IQGAP1: variants seen among roughly 807,000 people sequenced by gnomAD.
IQGAP1 encodes the protein ras GTPase-activating-like protein IQGAP1.
IQGAP1 carries 66 observed loss-of-function variants against 215.6 expected under a neutral mutation model. That is an observed-to-expected ratio of 0.31 (90% CI 0.25 to 0.38). The LOEUF (loss-of-function observed/expected upper bound fraction) is 0.38, where lower values mean the gene tolerates loss of function less well. Among genes scored for constraint, IQGAP1 ranks in the 10% least tolerant of loss-of-function variants. IQGAP1 has a pLI of 1.00. For missense variants in IQGAP1, 1,712 were observed against 1,997.1 expected, an observed-to-expected ratio of 0.86 and a Z score of 2.72; for synonymous variants, 772 against 728.7, an observed-to-expected ratio of 1.06 and a Z score of -0.96.
At chr15:90,465,818 C>T (rs1965823316) in intron 15 of IQGAP1, among the ~76,000 whole-genome samples, 183 bp from the exon 16 acceptor site, 1 of 152,204 alleles carries the variant, frequency 6.6e-6, no homozygotes, top group South Asian at 2.1e-4. Context: ...GTGTGAGTCA[C>T]TGCATCCAAC....
At position 90,500,334 on chromosome 15, in the gene IQGAP1, C is replaced by G. The variant is rs1966325927; in HGVS notation, c.*226C>G. 1 of 436,486 alleles carries G rather than the reference C, an allele frequency of 2.3e-6. No individual in the cohort carries two copies. The highest frequency in any genetic ancestry group is 3.3e-5 in the South Asian group (1 of 30,448). 27.0% of individuals were successfully genotyped at this position (436,486 alleles called of 1,614,324 possible). A position where few individuals can be genotyped will look rare whatever the true frequency, so the allele number is the denominator to read the frequency against. On this transcript the variant is annotated 3_prime_UTR_variant, in exon 38 of 38. Coordinates refer to ENST00000268182, the MANE Select transcript of IQGAP1 (RefSeq NM_003870.4). ...AGGCTTAGTCTGACCTTTCTGGTTT[C>G]TTCATTTTCTTCCATTACTTAGGAA...
chr15:90,469,712 AT>A (rs1483732529), intron 18 of IQGAP1, among the ~76,000 whole-genome samples: 1 of 152,232 alleles, frequency 6.6e-6, no homozygotes, highest in Non-Finnish European at 1.5e-5. Context: ...CTGGAGTAAC[AT>A]AGCGTAGATA....
At position 90,490,869 on chromosome 15, in the gene IQGAP1, C is replaced by T. The variant is rs552122230; in HGVS notation, c.4249-464C>T. Among the ~76,000 whole-genome samples, 11 of 152,152 alleles carry T rather than the reference C, an allele frequency of 7.2e-5. No individual in the cohort carries two copies. The East Asian group carries it at 1.7e-3, about 24-fold the overall frequency. The stretch of plus-strand genomic sequence containing the variant: ...TGTCGCCCAGACTGGAGTGCAGTGG[C>T]GCGATCTTGGCTCACTGCAAGCTCC... On this transcript the variant is annotated intron_variant, in intron 33 of 37. Transcript: ENST00000268182.
chr15:90,491,983 T>G (rs1274995927), intron 34 of IQGAP1, among the ~76,000 whole-genome samples: 2 of 152,222 alleles, frequency 1.3e-5, no homozygotes, highest in Non-Finnish European at 2.9e-5. Flanking sequence ...AGTTGATGTA[T>G]TATAGTTCTC....
intron 7 of IQGAP1, among the ~76,000 whole-genome samples, 166 bp downstream of exon 7, chr15:90,440,781 C>G (rs1185172574): frequency 6.6e-6 from 1 of 152,152 alleles, no homozygotes; most frequent in African/African-American, 2.4e-5. Flanking sequence ...TTTGGAAATA[C>G]ATGATTAATT....
At position 90,441,592 on chromosome 15, in the gene IQGAP1, A is replaced by G. The variant is rs753859958; in HGVS notation, c.736A>G (p.Met246Val). ...TFAALKNPNA[M>V]LVNLEEPLAS... ...TGCAGCTTTGAAAAATCCGAATGCC[A>G]TGCTTGTAAATCTTGAAGAGCCCTT... The change falls in exon 8 of 38, where the codon ATG becomes GTG. Residue 246 changes from methionine (M) to valine (V), a missense_variant. Transcript: ENST00000268182. 5 of 1,613,872 alleles carry G rather than the reference A, an allele frequency of 3.1e-6. No individual in the cohort carries two copies. The highest frequency in any genetic ancestry group is 3.3e-5 in the Admixed American group (2 of 59,980).
chr15:90,453,217 A>T lies in IQGAP1; in HGVS notation c.1412A>T (p.Asp471Val), dbSNP rs1965630787. ...ATCAACAGGGCATTGGAATCAGGAGATGTGAATACAGTGTGGAAGCAATTG... is the reference window on the plus strand; with the variant it reads ...ATCAACAGGGCATTGGAATCAGGAGTTGTGAATACAGTGTGGAAGCAATTG... ...ALINRALESG[D>V]VNTVWKQLSS... The change falls in exon 13 of 38, where the codon GAT becomes GTT. Residue 471 changes from aspartate (D) to valine (V), a missense_variant. Asp to Val is a radical substitution (Grantham distance 152, BLOSUM62 -3). Transcript: ENST00000268182. 6.2e-7 allele frequency: 1 copy of T among 1,613,892 alleles called. No homozygotes were observed. Among genetic ancestry groups the T allele is most frequent in the African/African-American group, 1.3e-5 (1 of 74,890 alleles).
At chr15:90,405,798 A>G (rs1317098892) in intron 2 of IQGAP1, among the ~76,000 whole-genome samples, 1 of 142,426 alleles carries the variant, frequency 7.0e-6, no homozygotes, top group East Asian at 2.1e-4. Context: ...TACGGATTTG[A>G]GGGACTATTT....
At chr15:90,467,426 T>C (rs1367702553) in intron 17 of IQGAP1, 24 bp from the exon 18 acceptor site, 4 of 1,602,454 alleles carry the variant, frequency 2.5e-6, no homozygotes, top group African/African-American at 1.4e-5. Flanking sequence ...GGATGTCTTC[T>C]ATCTTTCCTT....
At chr15:90,395,527 A>G (rs540106704) in intron 2 of IQGAP1, among the ~76,000 whole-genome samples, 3 of 152,196 alleles carry the variant, frequency 2.0e-5, no homozygotes, top group Non-Finnish European at 4.4e-5. Flanking sequence ...TCACCGTGTT[A>G]GCCAGGATAG....
At chr15:90,485,830 A>G (rs1369868100) in intron 30 of IQGAP1, among the ~76,000 whole-genome samples, 200 bp from the exon 31 acceptor site, 2 of 152,224 alleles carry the variant, frequency 1.3e-5, no homozygotes, top group Non-Finnish European at 2.9e-5. Context: ...ATCATAACAT[A>G]AGTCATTCAA....
In IQGAP1 at chr15:90,482,000, C is replaced by T. The variant is rs199615407; in HGVS notation, c.3370C>T (p.His1124Tyr). ...YDVTPEQALAHEEVKTRLDSS... is the reference protein window; with the variant it reads ...YDVTPEQALAYEEVKTRLDSS... Reference sequence around the variant, plus strand: ...TGTGACCCCTGAGCAGGCGCTAGCTCATGAAGAAGTGAAGACACGGCTAGA... The same window carrying T: ...TGTGACCCCTGAGCAGGCGCTAGCTTATGAAGAAGTGAAGACACGGCTAGA... Residue 1124 changes from histidine (H) to tyrosine (Y), a missense_variant, in exon 27 of 38, where the codon CAT (histidine) becomes TAT (tyrosine). Around this residue, in one of 2 missense-constraint regions of IQGAP1, gnomAD observed 691 missense variants for 923.0 expected, o/e 0.75. Coordinates refer to ENST00000268182, the MANE Select transcript of IQGAP1 (RefSeq NM_003870.4). 81 of 1,614,234 alleles carry T rather than the reference C, an allele frequency of 5.0e-5. No individual in the cohort carries two copies. The East Asian group carries it at 1.8e-3, about 36-fold the overall frequency.
chr15:90,447,432 T>C (rs1258296779), intron 9 of IQGAP1, among the ~76,000 whole-genome samples: 2 of 152,252 alleles, frequency 1.3e-5, no homozygotes, highest in African/African-American at 4.8e-5. Flanking sequence ...TGATTTTCTT[T>C]ATAACAGCTT....
chr15:90,480,171 T>C (rs975171551), intron 26 of IQGAP1, among the ~76,000 whole-genome samples: 3 of 150,874 alleles, frequency 2.0e-5, no homozygotes, highest in Non-Finnish European at 4.4e-5. Flanking sequence ...GGAAGATCGC[T>C]TGAGCCCAGG....
At chr15:90,474,336 C>G in intron 22 of IQGAP1, 149 bp from the exon 23 acceptor site, 1 of 770,736 alleles carries the variant, frequency 1.3e-6, no homozygotes. Context: ...ATAGCAATAG[C>G]CTGACACAGA....
In IQGAP1 at chr15:90,441,786, C is replaced by G; in HGVS notation, c.828+102C>G. On this transcript the variant is annotated intron_variant, in intron 8 of 37. Coordinates refer to ENST00000268182, the MANE Select transcript of IQGAP1 (RefSeq NM_003870.4). ...GTTTTATTGAGATGCAGTTTACATA[C>G]AACAAAATTCACCGGATTTTAAATG... The G allele has an allele frequency of 1.0e-5, 8 of 783,942 alleles. No individual in the cohort carries two copies. In the South Asian group the frequency reaches 1.6e-4, roughly 15 times the overall value. 48.6% of individuals were successfully genotyped at this position (783,942 alleles called of 1,614,324 possible).
intron 5 of IQGAP1, among the ~76,000 whole-genome samples, chr15:90,437,423 T>G (rs755006388): frequency 6.6e-6 from 1 of 152,172 alleles, no homozygotes; most frequent in Non-Finnish European, 1.5e-5. Flanking sequence ...AGAAAGAAAT[T>G]CTTGGAGAAA....
intron 2 of IQGAP1, among the ~76,000 whole-genome samples, chr15:90,422,538 A>G (rs945790402): frequency 6.6e-6 from 1 of 150,610 alleles, no homozygotes; most frequent in East Asian, 1.9e-4. Context: ...ATGTAAACTT[A>G]AAGTCTTCAG....
chr15:90,483,578 C>A lies in IQGAP1; in HGVS notation c.3773C>A (p.Ser1258Tyr). 1 of 1,609,972 alleles carries A rather than the reference C, an allele frequency of 6.2e-7. No individual in the cohort carries two copies. The highest frequency in any genetic ancestry group is 1.1e-5 in the South Asian group (1 of 91,010). Residue 1258 changes from serine to tyrosine, a missense_variant, in exon 29 of 38, where the codon TCC (serine) becomes TAC (tyrosine). Ser to Tyr is a moderately radical substitution (Grantham distance 144). Coordinates refer to ENST00000268182, the MANE Select transcript of IQGAP1 (RefSeq NM_003870.4). ...LSIINEYLSQ[S>Y]YQKFRRFFQT... Reference sequence around the variant, plus strand: ...ATCATTAATGAATATCTTTCCCAGTCCTACCAGAAATTCAGGTAAGGGGAA... The same window carrying A: ...ATCATTAATGAATATCTTTCCCAGTACTACCAGAAATTCAGGTAAGGGGAA...
Sources: gnomAD v4.1 joint callset for allele counts (sites outside exome capture counted in the v4.1 genomes callset) on GRCh38, gnomAD v4.1.1 for gene constraint, gnomAD v4.1.1 regional missense constraint, MANE v1.5 for transcripts, NCBI Gene and HGNC (gene_info 2026-07-23, HGNC 2026-07-21) for gene names.